Variants in ADGRL2 observed in about 807,000 individuals in gnomAD.
The protein encoded by ADGRL2 is adhesion G protein-coupled receptor L2, also known as calcium-independent alpha-latrotoxin receptor 2.
Under a neutral mutation model 157.4 loss-of-function variants are expected in ADGRL2, and 44 were observed. The ratio of observed to expected loss-of-function variants is 0.28; its 90% CI spans 0.22 to 0.36. ADGRL2 has a LOEUF of 0.36. Ranked by LOEUF, ADGRL2 falls within the 10% of genes least tolerant of loss-of-function variation. ADGRL2 has a pLI of 1.00. For synonymous variants in ADGRL2, 585 were observed against 624.7 expected, an observed-to-expected ratio of 0.94 and a Z score of 0.95; for missense variants, 1,510 against 1,768.9, an observed-to-expected ratio of 0.85 and a Z score of 2.63.
intron 3 of ADGRL2, among the ~76,000 whole-genome samples, chr1:81,653,963 G>A (rs527549905): frequency 7.2e-5 from 11 of 151,934 alleles, no homozygotes; most frequent in African/African-American, 2.4e-4. Context: ...AATTGAGACA[G>A]AGTCTCATTC....
chr1:81,894,722 TG>T lies in ADGRL2; in HGVS notation c.74-12294del, dbSNP rs199526035. On this transcript the variant is annotated intron_variant, in intron 2 of 23. Coordinates refer to ENST00000686636, the MANE Select transcript of ADGRL2 (RefSeq NM_001366006.2). ...TTTGAGATGAGAAATTATTTCAATATGTTTTTTTTTTCTCTAGAAACCTGTT... is the reference window on the plus strand; with the variant it reads ...TTTGAGATGAGAAATTATTTCAATATTTTTTTTTTTCTCTAGAAACCTGTT... 9.4e-4 allele frequency among the ~76,000 whole-genome samples: 137 copies of T among 145,848 alleles called. 2 individuals are homozygous for T. In the East Asian group the frequency reaches 0.022, roughly 23 times the overall value.
intron 2 of ADGRL2, among the ~76,000 whole-genome samples, chr1:81,793,919 T>C (rs1234085133): frequency 6.6e-6 from 1 of 152,180 alleles, no homozygotes; most frequent in African/African-American, 2.4e-5. Context: ...TGATAAATGA[T>C]AGTCTTCTTG....
chr1:81,426,888 T>C, intron 1 of ADGRL2: 1 of 656,002 alleles, frequency 1.5e-6, no homozygotes. Flanking sequence ...TGAGACTACT[T>C]TGAAAAGTAT....
intron 3 of ADGRL2, among the ~76,000 whole-genome samples, chr1:81,653,747 G>A (rs2082472189): frequency 6.6e-6 from 1 of 151,988 alleles, no homozygotes; most frequent in Non-Finnish European, 1.5e-5. Context: ...TTAATCAATA[G>A]GGATGTTCTG....
At chr1:81,356,045 A>T (rs1557623124) in intron 1 of ADGRL2, among the ~76,000 whole-genome samples, 1 of 152,170 alleles carries the variant, frequency 6.6e-6, no homozygotes, top group Admixed American at 6.5e-5. Flanking sequence ...ATGCTTACCA[A>T]TTGACATGAA....
At chr1:81,502,217 C>A in intron 2 of ADGRL2, 3 of 1,603,906 alleles carry the variant, frequency 1.9e-6, no homozygotes. Context: ...AGCACCAGGG[C>A]TCCCACCACA....
chr1:81,503,468 G>C, intron 2 of ADGRL2: 1 of 1,611,696 alleles, frequency 6.2e-7, no homozygotes, highest in Admixed American at 1.7e-5. Flanking sequence ...TGGTCCCTCT[G>C]ATGGGCAGGA....
intron 2 of ADGRL2, among the ~76,000 whole-genome samples, chr1:81,779,233 G>A (rs1223354014): frequency 6.6e-6 from 1 of 152,098 alleles, no homozygotes; most frequent in Non-Finnish European, 1.5e-5. Flanking sequence ...GTAAAATAAT[G>A]GCAATCAGTG....
intron 2 of ADGRL2, among the ~76,000 whole-genome samples, chr1:81,511,304 G>C (rs1364968727): frequency 1.4e-5 from 2 of 148,062 alleles, no homozygotes; most frequent in Non-Finnish European, 3.0e-5. Context: ...TACTTGGAAG[G>C]TTGTGGCAAT....
At chr1:81,632,487 G>A (rs558566183) in intron 3 of ADGRL2, among the ~76,000 whole-genome samples, 12 of 152,198 alleles carry the variant, frequency 7.9e-5, no homozygotes, top group Admixed American at 5.2e-4. Context: ...GGCCCGGCAC[G>A]GTGGCTTATG....
At position 81,943,536 on chromosome 1, in the gene ADGRL2, A is replaced by G; in HGVS notation, c.977A>G (p.Tyr326Cys). 6.2e-7 allele frequency: 1 copy of G among 1,613,772 alleles called. No homozygotes were observed. Among genetic ancestry groups the G allele is most frequent in the Non-Finnish European group, 8.5e-7 (1 of 1,179,760 alleles). Reference protein sequence around the residue: ...SNAFMICGVLYVVRSVYQDNE... With the variant: ...SNAFMICGVLCVVRSVYQDNE... ...GCTTTTATGATATGCGGAGTCCTCT[A>G]TGTGGTTAGGTCAGTTTATCAAGAC... The change falls in exon 6 of 24, where the codon TAT becomes TGT. Residue 326 changes from tyrosine (Y) to cysteine (C), a missense_variant. Physicochemically the swap from Tyr to Cys is radical, Grantham distance 194 (BLOSUM62 -2). Transcript: ENST00000686636. The surrounding 1 kb of genome is among the most constrained non-coding windows in gnomAD (Gnocchi z 5.6).
intron 2 of ADGRL2, among the ~76,000 whole-genome samples, chr1:81,485,832 A>G (rs1053345374): frequency 5.3e-5 from 8 of 151,984 alleles, no homozygotes; most frequent in African/African-American, 1.9e-4. Flanking sequence ...TGAATCATGT[A>G]TAAATGATGA....
In ADGRL2 at chr1:81,558,031, A is replaced by G. The variant is rs980442780; in HGVS notation, c.-247-22845A>G. ...CGCCTGTTGAATGTCTGGCTTCTCT[A>G]TAACAGTGAGAGTTTCAGCAGGGAC... On this transcript the variant is annotated intron_variant, in intron 2 of 24. Coordinates refer to the ADGRL2 transcript ENST00000370721. Among the ~76,000 whole-genome samples, 4 of 152,204 alleles carry G rather than the reference A, an allele frequency of 2.6e-5. No homozygotes were observed. In the South Asian group the frequency reaches 6.2e-4, roughly 24 times the overall value.
chr1:81,779,746 T>C (rs1220512542), intron 2 of ADGRL2, among the ~76,000 whole-genome samples: 1 of 152,228 alleles, frequency 6.6e-6, no homozygotes, highest in African/African-American at 2.4e-5. Flanking sequence ...ACAGCTTAAA[T>C]CAAACTCTAA....
intron 2 of ADGRL2, among the ~76,000 whole-genome samples, chr1:81,470,220 T>A (rs1571062381): frequency 1.3e-5 from 2 of 152,242 alleles, no homozygotes; most frequent in Admixed American, 6.5e-5. Context: ...GTTCTGTTTT[T>A]CTTTTGTTCA....
At chr1:81,793,835 T>A (rs956902321) in intron 2 of ADGRL2, among the ~76,000 whole-genome samples, 1 of 152,144 alleles carries the variant, frequency 6.6e-6, no homozygotes, top group African/African-American at 2.4e-5. Flanking sequence ...AATAATTATA[T>A]GAAAATGTCA....
chr1:81,889,911 C>T (rs1358231853), intron 2 of ADGRL2, among the ~76,000 whole-genome samples: 1 of 152,132 alleles, frequency 6.6e-6, no homozygotes, highest in African/African-American at 2.4e-5. Flanking sequence ...TTCTCTTTGC[C>T]TTTTTATCAA....
chr1:81,540,216 A>C (rs2079848900), intron 2 of ADGRL2, among the ~76,000 whole-genome samples: 1 of 152,194 alleles, frequency 6.6e-6, no homozygotes, highest in East Asian at 1.9e-4. Context: ...TTTCCTAAAA[A>C]TTTTGCAATC....
intron 3 of ADGRL2, among the ~76,000 whole-genome samples, chr1:81,682,545 A>C (rs1570820120): frequency 6.6e-6 from 1 of 152,136 alleles, no homozygotes; most frequent in Admixed American, 6.5e-5. Flanking sequence ...TGGCTTAAAC[A>C]AGCGCCTTTG....
Sources: gnomAD v4.1 joint callset for allele counts (sites outside exome capture counted in the v4.1 genomes callset) on GRCh38, gnomAD v4.1.1 for gene constraint, Gnocchi (gnomAD v3.1) non-coding constraint, MANE v1.5 for transcripts, NCBI Gene and HGNC (gene_info 2026-07-23, HGNC 2026-07-21) for gene names.